Variants in PDZD2 observed in about 807,000 individuals in gnomAD.
PDZD2 encodes the protein PDZ domain containing 2.
Under a neutral mutation model 220.7 loss-of-function variants are expected in PDZD2, and 90 were observed. That is an observed-to-expected ratio of 0.41 (90% CI 0.34 to 0.49). PDZD2 has a LOEUF of 0.49. Among genes scored for constraint, PDZD2 ranks in the 20% least tolerant of loss-of-function variants. PDZD2 has a pLI of 0.28. For synonymous variants in PDZD2, 1,375 were observed against 1,450.5 expected, an observed-to-expected ratio of 0.95 and a Z score of 1.18; for missense variants, 3,174 against 3,608.5, an observed-to-expected ratio of 0.88 and a Z score of 3.08.
At chr5:31,864,131 A>AT (rs1737978988) in intron 2 of PDZD2, among the ~76,000 whole-genome samples, 1 of 152,134 alleles carries the variant, frequency 6.6e-6, no homozygotes, top group Non-Finnish European at 1.5e-5. Flanking sequence ...GCATCTGGGT[A>AT]TTTATCTCCC....
rs145499778 is a variant in PDZD2 at position 32,108,109 on chromosome 5, A to G, written c.8494A>G (p.Ile2832Val). 2.4e-5 allele frequency: 38 copies of G among 1,603,068 alleles called. No individual in the cohort carries two copies. The African/African-American group carries it at 4.0e-4, about 17-fold the overall frequency. Residue 2832 changes from isoleucine to valine, a missense_variant, in exon 25 of 25, where the codon ATT becomes GTT. Ile to Val is a conservative substitution (Grantham distance 29). Transcript: ENST00000438447. ...CCCAGAAGGACCTGTGCAGTTATTA[A>G]TTAGAAAGCATAGGAATTCTTCATG... is the stretch of plus-strand genomic sequence containing the variant. ...SVPEGPVQLL[I>V]RKHRNSS
intron 2 of PDZD2, among the ~76,000 whole-genome samples, chr5:31,830,654 A>T (rs1756525690): frequency 6.6e-6 from 1 of 152,066 alleles, no homozygotes; most frequent in Non-Finnish European, 1.5e-5. Context: ...ATTGGCTGTT[A>T]ATTCTCCTCT....
At chr5:31,829,333 A>T (rs1040467224) in intron 2 of PDZD2, among the ~76,000 whole-genome samples, 2 of 145,872 alleles carry the variant, frequency 1.4e-5, no homozygotes, top group African/African-American at 2.5e-5. Context: ...AGCTTAGTGA[A>T]TTTTTTTTTT....
At chr5:31,921,520 C>A (rs184419931) in intron 2 of PDZD2, among the ~76,000 whole-genome samples, 1 of 151,952 alleles carries the variant, frequency 6.6e-6, no homozygotes, top group Non-Finnish European at 1.5e-5. Context: ...CCTGTCTCTT[C>A]CAAAAATACA....
At chr5:31,780,350 G>A (rs946297424) in intron 1 of PDZD2, among the ~76,000 whole-genome samples, 2 of 152,154 alleles carry the variant, frequency 1.3e-5, no homozygotes, top group East Asian at 1.9e-4. Context: ...GTGTTCCAAA[G>A]TTAAGTTCAC....
Position 32,089,765 on chromosome 5 carries a change from G to T in PDZD2, c.6317G>T (p.Gly2106Val), listed in dbSNP as rs748789762. ...SAEAVSETVC[G>V]NKPAESDRRG... ...GAAGCAGTGTCAGAGACTGTATGTG[G>T]TAACAAGCCAGCTGAAAGCGACAGA... The change falls in exon 20 of 25, where the codon GGT (glycine) becomes GTT (valine). Residue 2106 changes from glycine to valine, a missense_variant. Physicochemically the swap from Gly to Val is moderately radical, Grantham distance 109. This residue lies in a region of PDZD2 where 1,861 missense variants were observed against 2,001.0 expected (regional missense o/e 0.93). Transcript: ENST00000438447. The T allele has an allele frequency of 1.2e-6, 2 of 1,614,104 alleles. No homozygotes were observed. Among genetic ancestry groups the T allele is most frequent in the Non-Finnish European group, 1.7e-6 (2 of 1,180,052 alleles).
Position 32,071,366 on chromosome 5 carries a change from G to C in PDZD2, c.2534-18G>C. 2 of 1,590,782 alleles carry C rather than the reference G, an allele frequency of 1.3e-6. No individual in the cohort carries two copies. The highest frequency in any genetic ancestry group is 1.7e-6 in the Non-Finnish European group (2 of 1,158,736). ...AGCTTTATTGTTTTGACAATATGGTGAATTTTCCCTCCAACAGGTACCCCC... is the reference window on the plus strand; with the variant it reads ...AGCTTTATTGTTTTGACAATATGGTCAATTTTCCCTCCAACAGGTACCCCC... On this transcript the variant is annotated intron_variant, in intron 15 of 24. Transcript: ENST00000438447.
At chr5:31,690,724 C>A (rs898397634) in intron 1 of PDZD2, among the ~76,000 whole-genome samples, 2 of 152,220 alleles carry the variant, frequency 1.3e-5, no homozygotes, top group African/African-American at 4.8e-5. Flanking sequence ...ATTTAGGGCC[C>A]GCCTGGATAA....
At chr5:31,664,334 C>T (rs1580534705) in intron 1 of PDZD2, among the ~76,000 whole-genome samples, 1 of 151,962 alleles carries the variant, frequency 6.6e-6, no homozygotes, top group East Asian at 1.9e-4. Flanking sequence ...CTTAACATAA[C>T]AAAAAATCAT....
chr5:32,015,619 G>T (rs12656499), intron 6 of PDZD2, among the ~76,000 whole-genome samples: 47,440 of 152,088 alleles, frequency 0.31, 8,441 homozygotes, highest in African/African-American at 0.49. Context: ...CCAATAAAAT[G>T]AGTGGCACAT....
At chr5:32,092,376 C>A (rs975427136) in intron 20 of PDZD2, among the ~76,000 whole-genome samples, 1 of 151,520 alleles carries the variant, frequency 6.6e-6, no homozygotes, top group African/African-American at 2.4e-5. Context: ...AGTTCAAGAC[C>A]AGCCTGGCCA....
chr5:31,819,656 C>CAAAA (rs3032832), intron 2 of PDZD2, among the ~76,000 whole-genome samples: 27,683 of 109,708 alleles, frequency 0.25, 4,242 homozygotes, highest in Non-Finnish European at 0.31. Context: ...GACTCTGTCT[C>CAAAA]AAAAAAAAAA....
intron 2 of PDZD2, among the ~76,000 whole-genome samples, chr5:31,807,289 C>T (rs1002408843): frequency 1.3e-5 from 2 of 152,212 alleles, no homozygotes; most frequent in African/African-American, 2.4e-5. Context: ...ATGCGGGCCT[C>T]GGAGAGAGGT....
At chr5:32,077,401 A>G in intron 18 of PDZD2, 61 bp from the exon 19 acceptor site, 1 of 1,569,620 alleles carries the variant, frequency 6.4e-7, no homozygotes, top group Non-Finnish European at 8.7e-7. Context: ...ATATGATCTC[A>G]TCTTACGGTG....
intron 2 of PDZD2, among the ~76,000 whole-genome samples, chr5:31,865,855 TCTC>T (rs1248484926): frequency 6.6e-6 from 1 of 151,178 alleles, no homozygotes; most frequent in East Asian, 1.9e-4. Context: ...ATGGTCTCGA[TCTC>T]CTGACCTCGT....
chr5:32,000,904 G>A lies in PDZD2; in HGVS notation c.1254+633G>A, dbSNP rs2112000546. ...TCCATGGCCTGTTAGGAGCTGGGCTGCGCAGCAGTAGGTGAGTGGCCTGTG... is the reference window on the plus strand; with the variant it reads ...TCCATGGCCTGTTAGGAGCTGGGCTACGCAGCAGTAGGTGAGTGGCCTGTG... On this transcript the variant is annotated intron_variant, in intron 5 of 24. Transcript: ENST00000438447. This position sits in a 1 kb window ranked among gnomAD's most constrained non-coding sequence, Gnocchi z 4.5. Among the ~76,000 whole-genome samples, 1 of 152,344 alleles carries A rather than the reference G, an allele frequency of 6.6e-6. No individual in the cohort carries two copies. Among genetic ancestry groups the A allele is most frequent in the East Asian group, 1.9e-4 (1 of 5,176 alleles).
chr5:31,726,276 C>T (rs990176675), intron 1 of PDZD2, among the ~76,000 whole-genome samples: 3 of 152,214 alleles, frequency 2.0e-5, no homozygotes, highest in African/African-American at 7.2e-5. Flanking sequence ...CGCCTATAAT[C>T]CCACCGCTTT....
intron 2 of PDZD2, among the ~76,000 whole-genome samples, chr5:31,975,153 G>A (rs1029484199): frequency 3.3e-5 from 5 of 152,144 alleles, no homozygotes; most frequent in East Asian, 3.8e-4. Context: ...AGTTTTTCAC[G>A]CTGCTAATAA....
chr5:32,088,051 A>G lies in PDZD2; in HGVS notation c.4603A>G (p.Thr1535Ala). The G allele has an allele frequency of 1.2e-6, 2 of 1,613,826 alleles. No individual in the cohort carries two copies. The highest frequency in any genetic ancestry group is 1.7e-6 in the Non-Finnish European group (2 of 1,179,864). ...RNFSSFHEDS[T>A]SLSGLGDSTE... ...TTTTAGCAGTTTTCATGAAGACAGC[A>G]CCTCCCTATCAGGCCTGGGTGACAG... Residue 1535 changes from threonine to alanine, a missense_variant, in exon 20 of 25, where the codon ACC becomes GCC. Physicochemically the swap from Thr to Ala is moderately conservative, Grantham distance 58 (BLOSUM62 0). Transcript: ENST00000438447. The surrounding 1 kb of genome is among the most constrained non-coding windows in gnomAD (Gnocchi z 4.6).
Sources: allele counts gnomAD v4.1 joint callset (sites outside exome capture counted in the v4.1 genomes callset), GRCh38; gene constraint gnomAD v4.1.1; regional missense constraint gnomAD v4.1.1; non-coding constraint Gnocchi (gnomAD v3.1); transcripts MANE v1.5; gene names NCBI Gene and HGNC (gene_info 2026-07-23, HGNC 2026-07-21).